Variants in SETD4 observed in about 807,000 individuals in gnomAD.
SETD4 encodes the protein SET domain-containing protein 4.
Under a neutral mutation model 58.3 loss-of-function variants are expected in SETD4, and 46 were observed. The observed-to-expected ratio is 0.79, with a 90% CI of 0.62 to 1.01. The LOEUF is 1.01. Ranked by LOEUF, SETD4 falls within the 50% of genes least tolerant of loss-of-function variation. The probability of loss-of-function intolerance (pLI) is 0.00; values close to 1 mark genes in which losing one functional copy is unlikely to be tolerated. For missense variants in SETD4, 490 were observed against 523.3 expected, an observed-to-expected ratio of 0.94 and a Z score of 0.62; for synonymous variants, 190 against 202.6, an observed-to-expected ratio of 0.94 and a Z score of 0.53.
intron 4 of SETD4, chr21:36,051,503 A>ATTAG: frequency 1.5e-6 from 2 of 1,311,242 alleles, no homozygotes; most frequent in Non-Finnish European, 2.0e-6. Context: ...AATTAGTAGG[A>ATTAG]TTAGTTGGAG....
At position 36,060,425 on chromosome 21, in the gene SETD4, G is replaced by T; in HGVS notation, c.-115C>A. ...CACGTGGAAATACCAAACAGCCCCA[G>T]ATGAAGGCAAGTTAAAGGAACCGGC... On this transcript the variant is annotated 5_prime_UTR_variant, in exon 1 of 12. In the 5' UTR this introduces an upstream ATG that the reference lacks. Coordinates refer to ENST00000332131, the MANE Select transcript of SETD4 (RefSeq NM_017438.5). 6.6e-6 allele frequency: 1 copy of T among 152,616 alleles called. No homozygotes were observed. Among genetic ancestry groups the T allele is most frequent in the Non-Finnish European group, 1.5e-5 (1 of 68,268 alleles). The allele number at this position is 152,616 out of a possible 1,614,324, so 9.5% of individuals were successfully genotyped here.
chr21:36,060,037 C>T lies in SETD4; in HGVS notation c.-37+310G>A, dbSNP rs1343418174. 4 of 985,586 alleles carry T rather than the reference C, an allele frequency of 4.1e-6. No homozygotes were observed. The African/African-American group carries it at 7.0e-5, about 17-fold the overall frequency. 61.1% of individuals were successfully genotyped at this position (985,586 alleles called of 1,614,324 possible). A position where few individuals can be genotyped will look rare whatever the true frequency, so the allele number is the denominator to read the frequency against. On this transcript the variant is annotated intron_variant, in intron 1 of 11. Coordinates refer to ENST00000332131, the MANE Select transcript of SETD4 (RefSeq NM_017438.5). ...CGCCCCCATAGTCCTCAAACTCTAG[C>T]CGTGAGGCCGTCCTACGGTCCGACA...
At chr21:36,054,303 G>A (rs1028403156) in intron 3 of SETD4, among the ~76,000 whole-genome samples, 8 of 152,208 alleles carry the variant, frequency 5.3e-5, no homozygotes, top group Non-Finnish European at 1.2e-4. Context: ...CCAACTTCCA[G>A]AAGTTTCTCC....
chr21:36,050,770 G>A (rs920886228), intron 4 of SETD4: 5 of 1,612,010 alleles, frequency 3.1e-6, no homozygotes, highest in Non-Finnish European at 4.2e-6. Context: ...CATCTTATTT[G>A]CCATGAAGCG....
rs2063728854 is a variant in SETD4 at position 36,034,776 on chromosome 21, C to T, written c.*1217G>A. 6.6e-6 allele frequency: 1 copy of T among 152,140 alleles called. No individual in the cohort carries two copies. Among genetic ancestry groups the T allele is most frequent in the South Asian group, 2.1e-4 (1 of 4,830 alleles). The allele number at this position is 152,140 out of a possible 1,614,324, so 9.4% of individuals were successfully genotyped here. A position where few individuals can be genotyped will look rare whatever the true frequency, so the allele number is the denominator to read the frequency against. On this transcript the variant is annotated 3_prime_UTR_variant, in exon 12 of 12. Transcript: ENST00000332131. ...TGCAGAATCGCTGGGACTAAGACCACAGGTCCAGAAAGCTTCAAATGGTTA... is the reference window on the plus strand; with the variant it reads ...TGCAGAATCGCTGGGACTAAGACCATAGGTCCAGAAAGCTTCAAATGGTTA...
At chr21:36,053,381 G>A in intron 4 of SETD4, 1 of 610,088 alleles carries the variant, frequency 1.6e-6, no homozygotes, top group Non-Finnish European at 2.9e-6. Flanking sequence ...AAATTTCCAT[G>A]CTGCTTAAGC....
intron 1 of SETD4, 39 bp downstream of exon 1, chr21:36,060,308 G>C (rs2123818245): frequency 4.1e-6 from 1 of 244,460 alleles, no homozygotes; most frequent in South Asian, 1.5e-4. Flanking sequence ...CCGTTACCCG[G>C]GCAACTGGAG....
At chr21:36,055,046 G>C (rs1312198959) in intron 3 of SETD4, among the ~76,000 whole-genome samples, 2 of 152,212 alleles carry the variant, frequency 1.3e-5, no homozygotes, top group Non-Finnish European at 2.9e-5. Flanking sequence ...GCTGGTTCTA[G>C]TGTTAACTTA....
chr21:36,053,537 C>T, intron 4 of SETD4, 46 bp downstream of exon 4: 2 of 1,607,022 alleles, frequency 1.2e-6, no homozygotes, highest in South Asian at 1.1e-5. Flanking sequence ...AAAAACAAAG[C>T]AGCAAAATCT....
chr21:36,043,955 AC>A lies in SETD4; in HGVS notation c.727del (p.Val243Ter). 1 of 1,613,764 alleles carries A rather than the reference AC, an allele frequency of 6.2e-7. No homozygotes were observed. Among genetic ancestry groups the A allele is most frequent in the Non-Finnish European group, 8.5e-7 (1 of 1,179,888 alleles). On this transcript the variant is annotated frameshift_variant and splice_region_variant, in exon 7 of 12. Transcript: ENST00000332131. LOFTEE classifies it high-confidence loss of function. ...AGTTTCTTCATTAAACGCTGCTTTT[AC>A]CTAGAAAGAAAAACTGTTAAGGTAT... ...DLLNHSPHVQ[V>X]KAAFNEETHS... is the part of the protein sequence containing the mutation.
rs747596488 is a variant in SETD4 at position 36,036,097 on chromosome 21, C to A, written c.*20G>T. On this transcript the variant is annotated 3_prime_UTR_variant, in exon 11 of 12. Coordinates refer to ENST00000332131, the MANE Select transcript of SETD4 (RefSeq NM_017438.5). ...GACTAACACCCACCAGAGGAGGTGA[C>A]CAAATGCGCTTCGGTGAAATCAGGT... 3.7e-6 allele frequency: 6 copies of A among 1,614,140 alleles called. No individual in the cohort carries two copies. The highest frequency in any genetic ancestry group is 5.1e-6 in the Non-Finnish European group (6 of 1,180,026).
At chr21:36,043,627 C>T in intron 7 of SETD4, 155 bp downstream of exon 7, 1 of 1,415,434 alleles carries the variant, frequency 7.1e-7, no homozygotes, top group Non-Finnish European at 9.2e-7. Flanking sequence ...GAAATTACAG[C>T]CAGTAAGAGT....
chr21:36,054,954 T>C (rs2064910856), intron 3 of SETD4, among the ~76,000 whole-genome samples: 1 of 152,214 alleles, frequency 6.6e-6, no homozygotes, highest in Admixed American at 6.5e-5. Flanking sequence ...CTGCCTCAAG[T>C]CCTCCATCAG....
chr21:36,055,233 T>C (rs1055775577), intron 3 of SETD4, among the ~76,000 whole-genome samples: 20 of 152,246 alleles, frequency 1.3e-4, no homozygotes, highest in Non-Finnish European at 4.4e-5. Flanking sequence ...AGCTGGCCTA[T>C]GGAATACATC....
At chr21:36,048,161 G>A in intron 5 of SETD4, 147 bp downstream of exon 5, 2 of 712,834 alleles carry the variant, frequency 2.8e-6, no homozygotes, top group South Asian at 3.6e-5. Flanking sequence ...TTTCTAGAAT[G>A]GAGTAAACTT....
intron 4 of SETD4, among the ~76,000 whole-genome samples, chr21:36,049,847 AAAC>A (rs1210358704): frequency 6.6e-6 from 1 of 152,234 alleles, no homozygotes; most frequent in Non-Finnish European, 1.5e-5. Context: ...TTCATGACCT[AAAC>A]AAAAACTACC....
intron 3 of SETD4, 133 bp from the exon 4 acceptor site, chr21:36,053,753 T>C: frequency 1.2e-6 from 1 of 859,138 alleles, no homozygotes; most frequent in South Asian, 1.5e-5. Flanking sequence ...CAGCCTTTGA[T>C]TCCCAGGGGA....
intron 2 of SETD4, among the ~76,000 whole-genome samples, chr21:36,057,771 G>A (rs559723207): frequency 1.3e-5 from 2 of 152,248 alleles, no homozygotes; most frequent in South Asian, 4.1e-4. Flanking sequence ...TAGGTCAAAG[G>A]AACAACACAG....
chr21:36,050,372 A>G lies in SETD4; in HGVS notation c.208-1976T>C, dbSNP rs1404872801. 5.6e-6 allele frequency: 9 copies of G among 1,613,938 alleles called. No homozygotes were observed. The Middle Eastern group carries it at 6.6e-4, about 118-fold the overall frequency. On this transcript the variant is annotated intron_variant, in intron 4 of 11. Transcript: ENST00000332131. ...TGGTGATGGATGAGGTGGTGCTGAC[A>G]ATGGAGAAAGGAAACTTGGGTCTGC...
Sources: gnomAD v4.1 joint callset for allele counts (sites outside exome capture counted in the v4.1 genomes callset) on GRCh38, gnomAD v4.1.1 for gene constraint, MANE v1.5 for transcripts, NCBI Gene and HGNC (gene_info 2026-07-23, HGNC 2026-07-21) for gene names.